ITPR2: variants seen among roughly 807,000 people sequenced by gnomAD.
ITPR2 encodes the protein inositol 1,4,5-trisphosphate-gated calcium channel ITPR2.
A neutral mutation model predicts 317.1 loss-of-function variants in ITPR2; 207 were observed. The ratio of observed to expected loss-of-function variants is 0.65; its 90% CI spans 0.58 to 0.73. ITPR2 has a LOEUF of 0.73. ITPR2 is among the 30% of genes least tolerant of loss of function. The pLI, the probability that ITPR2 is intolerant of heterozygous loss-of-function variation, is 0.00. For missense variants in ITPR2, 2,613 were observed against 3,284.0 expected, an observed-to-expected ratio of 0.80 and a Z score of 4.99; for synonymous variants, 1,156 against 1,149.1, an observed-to-expected ratio of 1.01 and a Z score of -0.12.
chr12:26,747,626 A>C (rs966041385), intron 2 of ITPR2, among the ~76,000 whole-genome samples: 2 of 152,210 alleles, frequency 1.3e-5, no homozygotes, highest in Non-Finnish European at 2.9e-5. Flanking sequence ...CCACTTCCTA[A>C]ACATCACTGA....
At position 26,554,554 on chromosome 12, in the gene ITPR2, G is replaced by C. The variant is rs1591892876; in HGVS notation, c.4964+1679C>G. ...AATGAATGAGCACTACTGTATTTCA[G>C]TAAAACTTTATTTACAGAAATGAGT... On this transcript the variant is annotated intron_variant, in intron 36 of 56. Transcript: ENST00000381340. Among the ~76,000 whole-genome samples the C allele has an allele frequency of 2.0e-5, 3 of 152,190 alleles. No homozygotes were observed. The South Asian group carries it at 6.2e-4, about 32-fold the overall frequency.
chr12:26,693,684 C>T (rs910035854), intron 10 of ITPR2, among the ~76,000 whole-genome samples: 8 of 152,100 alleles, frequency 5.3e-5, no homozygotes, highest in African/African-American at 1.9e-4. Flanking sequence ...TACACAGATG[C>T]AAAACCACTG....
At chr12:26,665,247 G>A (rs1947598805) in intron 14 of ITPR2, among the ~76,000 whole-genome samples, 1 of 152,224 alleles carries the variant, frequency 6.6e-6, no homozygotes, top group Non-Finnish European at 1.5e-5. Flanking sequence ...AAGGAAAGAA[G>A]TAGGAAGCAG....
At chr12:26,792,006 C>G (rs769206530) in intron 1 of ITPR2, among the ~76,000 whole-genome samples, 1 of 152,128 alleles carries the variant, frequency 6.6e-6, no homozygotes, top group Non-Finnish European at 1.5e-5. Flanking sequence ...TGCATTCCCA[C>G]AAAAATACAG....
rs181744177 is a variant in ITPR2 at position 26,558,703 on chromosome 12, C to T, written c.4822-2328G>A. On this transcript the variant is annotated intron_variant, in intron 35 of 56. Transcript: ENST00000381340. ...TCTCTTTGCTATCTACATTTTCTTC[C>T]GAGAAATCTCATCCAATTCTATGGT... Among the ~76,000 whole-genome samples, 508 of 152,262 alleles carry T rather than the reference C, an allele frequency of 3.3e-3. 4 individuals carry two copies. The highest frequency in any genetic ancestry group is 0.011 in the African/African-American group (475 of 41,564).
At chr12:26,597,946 G>A (rs958983350) in intron 30 of ITPR2, among the ~76,000 whole-genome samples, 2 of 152,014 alleles carry the variant, frequency 1.3e-5, no homozygotes, top group African/African-American at 4.8e-5. Flanking sequence ...CCGATTCATT[G>A]GCTTACTTTG....
At chr12:26,572,996 CA>C (rs1945198958) in intron 34 of ITPR2, among the ~76,000 whole-genome samples, 1 of 149,490 alleles carries the variant, frequency 6.7e-6, no homozygotes, top group African/African-American at 2.5e-5. Context: ...ACTTGGATTT[CA>C]TTTATTTATT....
chr12:26,684,493 A>T (rs908987387), intron 11 of ITPR2, among the ~76,000 whole-genome samples: 6 of 152,212 alleles, frequency 3.9e-5, no homozygotes, highest in African/African-American at 7.2e-5. Context: ...ATGCAATAAG[A>T]CAATATTTAT....
chr12:26,583,250 C>G (rs1387800012), intron 32 of ITPR2, among the ~76,000 whole-genome samples: 1 of 152,102 alleles, frequency 6.6e-6, no homozygotes, highest in Non-Finnish European at 1.5e-5. Flanking sequence ...ACAAGGTTGG[C>G]CTCTTTTTCA....
At chr12:26,683,865 T>C (rs781379126) in intron 11 of ITPR2, among the ~76,000 whole-genome samples, 10 of 152,200 alleles carry the variant, frequency 6.6e-5, no homozygotes, top group Non-Finnish European at 1.3e-4. Context: ...TAGTGTCTAT[T>C]AAAAGAAAAG....
chr12:26,820,612 C>A lies in ITPR2; in HGVS notation c.92+12078G>T, dbSNP rs1950924522. ...AGCATTACCATATGACCCAGAAATT[C>A]CATTGCTAAGTATATACCTAAAAGA... is the stretch of plus-strand genomic sequence containing the variant. On this transcript the variant is annotated intron_variant, in intron 1 of 56. Coordinates refer to ENST00000381340, the MANE Select transcript of ITPR2 (RefSeq NM_002223.4). Among the ~76,000 whole-genome samples, 3 of 152,084 alleles carry A rather than the reference C, an allele frequency of 2.0e-5. No individual in the cohort carries two copies. The South Asian group carries it at 6.2e-4, about 32-fold the overall frequency.
chr12:26,605,105 A>ATG (rs1174431874), intron 26 of ITPR2, among the ~76,000 whole-genome samples: 1 of 72,108 alleles, frequency 1.4e-5, no homozygotes. Context: ...AAAAAAATAA[A>ATG]AATAAAAAAT....
chr12:26,575,585 C>T (rs980597514), intron 34 of ITPR2, among the ~76,000 whole-genome samples: 4 of 152,056 alleles, frequency 2.6e-5, no homozygotes, highest in Non-Finnish European at 4.4e-5. Flanking sequence ...TGATTATACC[C>T]TTCGATATAA....
rs149082939 is a variant in ITPR2, at chr12:26,573,698, T to C, written c.4630+5015A>G. Among the ~76,000 whole-genome samples the C allele has an allele frequency of 3.4e-3, 522 of 152,214 alleles. 4 individuals are homozygous for C. Among genetic ancestry groups the C allele is most frequent in the African/African-American group, 0.012 (497 of 41,516 alleles). ...AGGAAGAGGATCCAAACAGAGGGAA[T>C]GGCATATGCAAATGTCCTCAGGTGA... is the stretch of plus-strand genomic sequence containing the variant. On this transcript the variant is annotated intron_variant, in intron 34 of 56. Coordinates refer to ENST00000381340, the MANE Select transcript of ITPR2 (RefSeq NM_002223.4).
chr12:26,493,848 C>T (rs1942867384), intron 39 of ITPR2, among the ~76,000 whole-genome samples: 2 of 152,172 alleles, frequency 1.3e-5, no homozygotes, highest in African/African-American at 2.4e-5. Flanking sequence ...CAAAAGAAAA[C>T]ATGTGCCTTC....
chr12:26,553,480 T>C (rs1241080610), intron 36 of ITPR2, among the ~76,000 whole-genome samples: 1 of 152,174 alleles, frequency 6.6e-6, no homozygotes, highest in Non-Finnish European at 1.5e-5. Context: ...CAGGATGGTA[T>C]GCACAGCAAT....
intron 2 of ITPR2, among the ~76,000 whole-genome samples, chr12:26,740,088 A>G (rs1213929583): frequency 6.6e-6 from 1 of 152,234 alleles, no homozygotes; most frequent in Admixed American, 6.5e-5. Flanking sequence ...CCAGGGGTAC[A>G]GCAGGTACAT....
At chr12:26,556,560 TTTTTTTTGTG>T (rs1373205912) in intron 35 of ITPR2, among the ~76,000 whole-genome samples, 185 bp from the exon 36 acceptor site, 4 of 64,958 alleles carry the variant, frequency 6.2e-5, no homozygotes, top group Admixed American at 1.2e-4. Flanking sequence ...GTCTCTATTT[TTTTTTTTGTG>T]TGTGTGTGTG....
chr12:26,418,186 G>A (rs1940782557), intron 50 of ITPR2, among the ~76,000 whole-genome samples: 1 of 152,164 alleles, frequency 6.6e-6, no homozygotes, highest in Non-Finnish European at 1.5e-5. Flanking sequence ...AGGGAGGCAG[G>A]AGGTGCTGGA....
Sources: allele counts gnomAD v4.1 joint callset (sites outside exome capture counted in the v4.1 genomes callset), GRCh38; gene constraint gnomAD v4.1.1; transcripts MANE v1.5; gene names NCBI Gene and HGNC (gene_info 2026-07-23, HGNC 2026-07-21).